Variants in TBC1D22A observed in about 807,000 individuals in gnomAD.
TBC1D22A encodes the protein TBC1 domain family member 22A, also known as putative GTPase activator.
TBC1D22A carries 38 observed loss-of-function variants against 60.2 expected under a neutral mutation model. The ratio of observed to expected loss-of-function variants is 0.63; its 90% CI spans 0.49 to 0.83. TBC1D22A has a LOEUF of 0.83. Among genes scored for constraint, TBC1D22A ranks in the 40% least tolerant of loss-of-function variants. The probability of loss-of-function intolerance (pLI) is 0.00; values close to 1 mark genes in which losing one functional copy is unlikely to be tolerated. For synonymous variants in TBC1D22A, 302 were observed against 281.7 expected (o/e 1.07, Z -0.72); for missense variants, 628 against 701.0 (o/e 0.90, Z 1.18).
intron 12 of TBC1D22A, among the ~76,000 whole-genome samples, chr22:47,172,078 C>T (rs2068502246): frequency 6.6e-6 from 1 of 151,130 alleles, no homozygotes; most frequent in Non-Finnish European, 1.5e-5. Context: ...TCCCAGTGAG[C>T]CTACCCAGCA....
At position 47,099,541 on chromosome 22, in the gene TBC1D22A, G is replaced by A. The variant is rs1038618906; in HGVS notation, c.1330-11967G>A. On this transcript the variant is annotated intron_variant, in intron 11 of 12. Coordinates refer to ENST00000337137, the MANE Select transcript of TBC1D22A (RefSeq NM_014346.5). ...GCTCACTGCAGCCTCTGCCTCCCGG[G>A]TTCAAGCAATTCTCCTGCCTCAGCC... is the stretch of plus-strand genomic sequence containing the variant. Among the ~76,000 whole-genome samples, 40 of 152,056 alleles carry A rather than the reference G, an allele frequency of 2.6e-4. 1 individual carries two copies. Among genetic ancestry groups the A allele is most frequent in the Admixed American group, 1.3e-3 (20 of 15,266 alleles).
At chr22:46,834,390 A>G in intron 4 of TBC1D22A, among the ~76,000 whole-genome samples, 1 of 152,160 alleles carries the variant, frequency 6.6e-6, no homozygotes. Context: ...AAAATCACTC[A>G]AGAATAGACA....
At chr22:46,872,656 C>T (rs866570938) in intron 4 of TBC1D22A, among the ~76,000 whole-genome samples, 2 of 152,142 alleles carry the variant, frequency 1.3e-5, no homozygotes, top group African/African-American at 4.8e-5. Flanking sequence ...AGTGGGGGAA[C>T]CCTAATGAAA....
At chr22:47,132,726 C>G (rs568490219) in intron 12 of TBC1D22A, among the ~76,000 whole-genome samples, 1 of 152,354 alleles carries the variant, frequency 6.6e-6, no homozygotes, top group African/African-American at 2.4e-5. Context: ...GCTGTGATGG[C>G]CCCACCTTGT....
Position 46,974,275 on chromosome 22 carries a change from C to T in TBC1D22A, c.1016-15C>T. On this transcript the variant is annotated splice_polypyrimidine_tract_variant and intron_variant, in intron 8 of 12. Coordinates refer to ENST00000337137, the MANE Select transcript of TBC1D22A (RefSeq NM_014346.5). ...GCTAAGTCTCCTTGTCTTTTGCATG[C>T]TCGGCGCCGCCCAGAGGCAGAGGAG... 3.8e-6 allele frequency: 6 copies of T among 1,572,624 alleles called. No individual in the cohort carries two copies. The highest frequency in any genetic ancestry group is 3.5e-6 in the Non-Finnish European group (4 of 1,158,928).
intron 10 of TBC1D22A, among the ~76,000 whole-genome samples, chr22:47,012,973 T>A (rs956367363): frequency 6.6e-6 from 1 of 152,200 alleles, no homozygotes; most frequent in African/African-American, 2.4e-5. Flanking sequence ...GTCGTATGGC[T>A]TTTGGAAAGC....
At chr22:47,083,232 T>C (rs2064542102) in intron 11 of TBC1D22A, among the ~76,000 whole-genome samples, 5 of 56 alleles carry the variant, frequency 0.089, no homozygotes, top group Admixed American at 0.42. Flanking sequence ...ATTCCACTGG[T>C]ATATTCAATT....
At chr22:47,115,282 A>C (rs1485574402) in intron 12 of TBC1D22A, among the ~76,000 whole-genome samples, 1 of 152,100 alleles carries the variant, frequency 6.6e-6, no homozygotes, top group Non-Finnish European at 1.5e-5. Flanking sequence ...TGCCATCTGC[A>C]TTGCTAATCC....
chr22:47,157,494 G>A (rs973025031), intron 12 of TBC1D22A, among the ~76,000 whole-genome samples: 2 of 152,320 alleles, frequency 1.3e-5, no homozygotes, highest in Admixed American at 6.5e-5. Flanking sequence ...TGTCCTTGCC[G>A]CTGCACGGGC....
chr22:46,926,333 G>GTAGC (rs1340455116), intron 8 of TBC1D22A, among the ~76,000 whole-genome samples: 2 of 151,518 alleles, frequency 1.3e-5, no homozygotes, highest in Non-Finnish European at 2.9e-5. Context: ...AAACAGACTT[G>GTAGC]TAGCTAGACT....
intron 8 of TBC1D22A, among the ~76,000 whole-genome samples, chr22:46,958,710 A>G (rs974059223): frequency 6.6e-6 from 1 of 152,224 alleles, no homozygotes; most frequent in African/African-American, 2.4e-5. Flanking sequence ...TGTGTTCCAA[A>G]GGAGACAGCA....
chr22:47,136,089 A>G (rs908223950), intron 12 of TBC1D22A, among the ~76,000 whole-genome samples: 3 of 152,212 alleles, frequency 2.0e-5, no homozygotes, highest in Non-Finnish European at 4.4e-5. Flanking sequence ...AACCTCACGT[A>G]CGGAGGGAAG....
At chr22:47,141,478 TG>T (rs1312799340) in intron 12 of TBC1D22A, among the ~76,000 whole-genome samples, 1 of 152,244 alleles carries the variant, frequency 6.6e-6, no homozygotes, top group Non-Finnish European at 1.5e-5. Flanking sequence ...AGAGGGCAGT[TG>T]TCCCCAGATC....
chr22:47,108,869 G>A (rs2065738753), intron 11 of TBC1D22A, among the ~76,000 whole-genome samples: 3 of 152,090 alleles, frequency 2.0e-5, no homozygotes, highest in African/African-American at 4.8e-5. Context: ...CTAATTTTTT[G>A]TATTTTTAGT....
chr22:46,931,031 G>A (rs953677735), intron 8 of TBC1D22A, among the ~76,000 whole-genome samples: 3 of 152,172 alleles, frequency 2.0e-5, no homozygotes, highest in Admixed American at 6.5e-5. Flanking sequence ...AGGCCCCACC[G>A]TTTCAGTTCC....
chr22:47,126,494 G>A (rs1280143999), intron 12 of TBC1D22A, among the ~76,000 whole-genome samples: 1 of 152,196 alleles, frequency 6.6e-6, no homozygotes, highest in East Asian at 1.9e-4. Flanking sequence ...TCTGCAGCCT[G>A]GTGGGTGGGC....
chr22:47,018,671 C>T (rs753399316), intron 10 of TBC1D22A, among the ~76,000 whole-genome samples: 6 of 152,158 alleles, frequency 3.9e-5, no homozygotes, highest in African/African-American at 9.7e-5. Context: ...TCTAAAGATG[C>T]GTGAGCTGGG....
intron 1 of TBC1D22A, among the ~76,000 whole-genome samples, chr22:46,778,335 A>C (rs2083789689): frequency 6.6e-6 from 1 of 152,186 alleles, no homozygotes; most frequent in Non-Finnish European, 1.5e-5. Context: ...ATTTTTAAAA[A>C]ACTTTTTGAC....
At chr22:46,896,663 GT>G (rs1412166175) in intron 7 of TBC1D22A, among the ~76,000 whole-genome samples, 1 of 152,080 alleles carries the variant, frequency 6.6e-6, no homozygotes, top group Non-Finnish European at 1.5e-5. Context: ...GTTGTGTTGT[GT>G]TGTTTTTTTG....
Sources: allele counts gnomAD v4.1 joint callset (sites outside exome capture counted in the v4.1 genomes callset), GRCh38; gene constraint gnomAD v4.1.1; transcripts MANE v1.5; gene names NCBI Gene and HGNC (gene_info 2026-07-23, HGNC 2026-07-21).